Variants in ANGPT1 observed in about 807,000 individuals in gnomAD.
ANGPT1 encodes angiopoietin-1.
ANGPT1 carries 17 observed loss-of-function variants against 62.2 expected under a neutral mutation model. The observed-to-expected ratio is 0.27, with a 90% CI of 0.19 to 0.41. The LOEUF (loss-of-function observed/expected upper bound fraction) is 0.41. Ranked by LOEUF, ANGPT1 falls within the 10% of genes least tolerant of loss-of-function variation. ANGPT1 has a pLI of 1.00. For missense variants in ANGPT1, 478 were observed against 594.9 expected, an observed-to-expected ratio of 0.80 and a Z score of 2.04; for synonymous variants, 199 against 198.9, an observed-to-expected ratio of 1.00 and a Z score of 0.00.
intron 7 of ANGPT1, among the ~76,000 whole-genome samples, chr8:107,268,303 G>A (rs1813660748): frequency 6.6e-6 from 1 of 151,980 alleles, no homozygotes; most frequent in Non-Finnish European, 1.5e-5. Flanking sequence ...CATTTCAGAA[G>A]TATAGCTTTT....
chr8:107,458,835 A>C (rs1811990353), intron 1 of ANGPT1, among the ~76,000 whole-genome samples: 1 of 152,144 alleles, frequency 6.6e-6, no homozygotes, highest in African/African-American at 2.4e-5. Flanking sequence ...TAATCATTTC[A>C]ATAACCCTAT....
Position 107,497,699 on chromosome 8 carries a change from CAT to C in ANGPT1, c.-143_-142del, listed in dbSNP as rs1813150545. On this transcript the variant is annotated 5_prime_UTR_variant, in exon 1 of 9. It removes an upstream start codon present in the reference 5' UTR. Coordinates refer to ENST00000517746, the MANE Select transcript of ANGPT1 (RefSeq NM_001146.5). ...TCAAAGAAAGCGTTTGAAGAAGAAT[CAT>C]AGAAAACTAGCCATTTGTTAGCTTT... is the stretch of plus-strand genomic sequence containing the variant. The C allele has an allele frequency of 1.1e-6, 1 of 903,226 alleles. No homozygotes were observed. Among genetic ancestry groups the C allele is most frequent in the African/African-American group, 1.7e-5 (1 of 59,174 alleles). 56.0% of individuals were successfully genotyped at this position (903,226 alleles called of 1,614,324 possible). A position where few individuals can be genotyped will look rare whatever the true frequency, so the allele number is the denominator to read the frequency against.
intron 1 of ANGPT1, among the ~76,000 whole-genome samples, chr8:107,347,527 G>A (rs1383763042): frequency 6.6e-6 from 1 of 152,066 alleles, no homozygotes; most frequent in East Asian, 1.9e-4. Flanking sequence ...AATTCTTGGT[G>A]CTCTGATTTT....
intron 6 of ANGPT1, among the ~76,000 whole-genome samples, chr8:107,286,550 AT>A (rs995262217): frequency 4.6e-5 from 7 of 151,306 alleles, no homozygotes; most frequent in South Asian, 2.1e-4. Flanking sequence ...CCCTCGTTTT[AT>A]TTTTTTTTAT....
chr8:107,279,276 G>T (rs1813939893), intron 7 of ANGPT1, among the ~76,000 whole-genome samples: 1 of 152,070 alleles, frequency 6.6e-6, no homozygotes, highest in Non-Finnish European at 1.5e-5. Context: ...TAGTTCTATT[G>T]TAGAAAATTT....
intron 1 of ANGPT1, among the ~76,000 whole-genome samples, chr8:107,442,556 G>C (rs374329761): frequency 6.6e-6 from 1 of 152,054 alleles, no homozygotes; most frequent in Admixed American, 6.6e-5. Flanking sequence ...CAAAAGTGTG[G>C]GTTGCTTCTC....
At chr8:107,330,725 G>A (rs961148111) in intron 3 of ANGPT1, among the ~76,000 whole-genome samples, 7 of 151,978 alleles carry the variant, frequency 4.6e-5, no homozygotes, top group African/African-American at 7.3e-5. Context: ...AGGATGGGAC[G>A]GATTAGAAAA....
chr8:107,413,465 C>A (rs921447874), intron 1 of ANGPT1, among the ~76,000 whole-genome samples: 4 of 151,940 alleles, frequency 2.6e-5, no homozygotes, highest in Non-Finnish European at 5.9e-5. Flanking sequence ...GAGTGAGGTA[C>A]TTGCCTCAGG....
chr8:107,276,616 A>C (rs1361374709), intron 7 of ANGPT1, among the ~76,000 whole-genome samples: 1 of 97,258 alleles, frequency 1.0e-5, no homozygotes, highest in Non-Finnish European at 2.1e-5. Context: ...GCATGGGAGT[A>C]CTTTAATGAT....
chr8:107,268,102 A>G (rs995190635), intron 7 of ANGPT1, among the ~76,000 whole-genome samples: 3 of 152,074 alleles, frequency 2.0e-5, no homozygotes, highest in African/African-American at 7.2e-5. Context: ...GGCATAGACT[A>G]TGTCTTACTC....
chr8:107,343,374 A>C (rs887576693), intron 2 of ANGPT1, among the ~76,000 whole-genome samples: 4 of 152,118 alleles, frequency 2.6e-5, no homozygotes, highest in Non-Finnish European at 5.9e-5. Context: ...TTATCCCTCA[A>C]GGCAGCCGTG....
chr8:107,383,744 T>C lies in ANGPT1; in HGVS notation c.298-36647A>G, dbSNP rs1458525507. On this transcript the variant is annotated intron_variant, in intron 1 of 8. Transcript: ENST00000517746. ...ACTCCAGATTTTATATATGAAAGGT[T>C]GAAAGATTACAAACTTTCAGAAAGG... Among the ~76,000 whole-genome samples, 4 of 152,174 alleles carry C rather than the reference T, an allele frequency of 2.6e-5. No individual in the cohort carries two copies. In the East Asian group the frequency reaches 5.8e-4, roughly 22 times the overall value.
chr8:107,329,170 TAA>T (rs1298468499), intron 3 of ANGPT1, among the ~76,000 whole-genome samples: 6 of 152,044 alleles, frequency 3.9e-5, no homozygotes, highest in Non-Finnish European at 7.4e-5. Context: ...AACACACACA[TAA>T]ATATGCACAC....
intron 4 of ANGPT1, among the ~76,000 whole-genome samples, chr8:107,317,970 T>C (rs935051854): frequency 6.6e-6 from 1 of 152,170 alleles, no homozygotes; most frequent in Non-Finnish European, 1.5e-5. Context: ...CTGATTACTC[T>C]CCCCTGAAAG....
rs1431512891 is a variant in ANGPT1 at position 107,284,701 on chromosome 8, T to G, written c.1186A>C (p.Asn396His). Residue 396 changes from asparagine (N) to histidine (H), a missense_variant, in exon 7 of 9, where the codon AAT becomes CAT. Physicochemically the swap from Asn to His is moderately conservative, Grantham distance 68. Transcript: ENST00000517746. ...YSQYDRFHIG[N>H]EKQNYRLYLK... ...ACTTACCTATAGTTTTGCTTTTCATTTCCTATGTGGAATCTGTCATACTGT... is the reference window on the plus strand; with the variant it reads ...ACTTACCTATAGTTTTGCTTTTCATGTCCTATGTGGAATCTGTCATACTGT... The G allele has an allele frequency of 6.3e-7, 1 of 1,576,156 alleles. No homozygotes were observed. Among genetic ancestry groups the G allele is most frequent in the South Asian group, 1.2e-5 (1 of 83,632 alleles).
chr8:107,335,440 T>C (rs1429548532), intron 3 of ANGPT1, among the ~76,000 whole-genome samples: 1 of 152,240 alleles, frequency 6.6e-6, no homozygotes, highest in African/African-American at 2.4e-5. Context: ...GTCAGTGTTT[T>C]GAATTGTTCA....
At chr8:107,284,932 A>ATTT in intron 6 of ANGPT1, 84 bp from the exon 7 acceptor site, 3 of 1,040,116 alleles carry the variant, frequency 2.9e-6, no homozygotes, top group Non-Finnish European at 3.8e-6. Flanking sequence ...CTAAATAATA[A>ATTT]TTAAAAATTA....
chr8:107,388,341 A>G (rs1221900782), intron 1 of ANGPT1, among the ~76,000 whole-genome samples: 1 of 152,088 alleles, frequency 6.6e-6, no homozygotes, highest in Non-Finnish European at 1.5e-5. Flanking sequence ...CTTGAGCCCA[A>G]GAATTTTAGG....
Position 107,347,007 on chromosome 8 carries a change from T to C in ANGPT1, c.388A>G (p.Ile130Val). 6.2e-7 allele frequency: 1 copy of C among 1,613,956 alleles called. No individual in the cohort carries two copies. The change falls in exon 2 of 9, where the codon ATA (isoleucine) becomes GTA (valine). Residue 130 changes from isoleucine to valine, a missense_variant. Ile to Val is a conservative substitution (Grantham distance 29). Around this residue, in one of 4 missense-constraint regions of ANGPT1, gnomAD observed 343 missense variants for 355.4 expected, o/e 0.97. Coordinates refer to ENST00000517746, the MANE Select transcript of ANGPT1 (RefSeq NM_001146.5). Reference sequence around the variant, plus strand: ...GTCTGAGAGAGGAGGCTGGTTCCTATCTCCAGCATGGTAGCCGTGTGGTTC... The same window carrying C: ...GTCTGAGAGAGGAGGCTGGTTCCTACCTCCAGCATGGTAGCCGTGTGGTTC... Reference protein sequence around the residue: ...VQNHTATMLEIGTSLLSQTAE... With the variant: ...VQNHTATMLEVGTSLLSQTAE...
Sources: gnomAD v4.1 joint callset for allele counts (sites outside exome capture counted in the v4.1 genomes callset) on GRCh38, gnomAD v4.1.1 for gene constraint, gnomAD v4.1.1 regional missense constraint, MANE v1.5 for transcripts, NCBI Gene and HGNC (gene_info 2026-07-23, HGNC 2026-07-21) for gene names.